GPC6: variants seen among roughly 807,000 people sequenced by gnomAD.
The protein encoded by GPC6 is glypican 6, also known as glypican-6.
In GPC6, 14 loss-of-function variants were observed where a neutral mutation model predicts 55.2. The observed-to-expected ratio is 0.25, with a 90% CI of 0.17 to 0.40. The LOEUF (loss-of-function observed/expected upper bound fraction) is 0.40, where lower values mean the gene tolerates loss of function less well. Ranked by LOEUF, GPC6 falls within the 10% of genes least tolerant of loss-of-function variation. The pLI, the probability that GPC6 is intolerant of heterozygous loss-of-function variation, is 1.00. For missense variants in GPC6, 641 were observed against 708.5 expected, an observed-to-expected ratio of 0.90 and a Z score of 1.08; for synonymous variants, 278 against 259.6, an observed-to-expected ratio of 1.07 and a Z score of -0.68.
intron 4 of GPC6, among the ~76,000 whole-genome samples, chr13:94,256,813 C>T (rs1891520354): frequency 6.6e-6 from 1 of 152,122 alleles, no homozygotes; most frequent in Non-Finnish European, 1.5e-5. Context: ...CCAAGCAACC[C>T]ATTATAGGTG....
chr13:94,144,531 T>C (rs1441445358), intron 4 of GPC6, among the ~76,000 whole-genome samples: 3 of 83,902 alleles, frequency 3.6e-5, no homozygotes, highest in Non-Finnish European at 6.9e-5. Flanking sequence ...AGATCATTCT[T>C]TGGGAGTGTG....
chr13:93,629,046 A>AAC, intron 2 of GPC6, among the ~76,000 whole-genome samples: 1 of 119,930 alleles, frequency 8.3e-6, no homozygotes, highest in South Asian at 2.7e-4. Flanking sequence ...GAAAAAAAAA[A>AAC]AACAAAAAAA....
intron 4 of GPC6, among the ~76,000 whole-genome samples, chr13:94,235,930 C>T (rs142032780): frequency 1.8e-4 from 27 of 152,216 alleles, no homozygotes; most frequent in South Asian, 1.0e-3. Context: ...ACACAGGTGA[C>T]GAAACTGAGA....
intron 2 of GPC6, among the ~76,000 whole-genome samples, chr13:93,585,133 G>A (rs1307464378): frequency 6.6e-6 from 1 of 152,166 alleles, no homozygotes; most frequent in East Asian, 1.9e-4. Flanking sequence ...TTTTCTTGTT[G>A]TGACAACCGA....
chr13:94,029,577 G>A (rs748772559), intron 4 of GPC6, among the ~76,000 whole-genome samples: 5 of 152,144 alleles, frequency 3.3e-5, no homozygotes, highest in Non-Finnish European at 7.3e-5. Flanking sequence ...ATTAAACCTC[G>A]TAGCATCATT....
chr13:93,315,044 T>C (rs781019869), intron 1 of GPC6, among the ~76,000 whole-genome samples: 3 of 152,218 alleles, frequency 2.0e-5, no homozygotes, highest in East Asian at 1.9e-4. Flanking sequence ...GTTTGAAAGA[T>C]GGTTAAAGAG....
At chr13:93,410,809 C>T (rs1402691997) in intron 1 of GPC6, among the ~76,000 whole-genome samples, 1 of 152,134 alleles carries the variant, frequency 6.6e-6, no homozygotes, top group African/African-American at 2.4e-5. Context: ...AAACTTCTTT[C>T]AATGACAAGT....
At chr13:93,912,606 G>A (rs182438376) in intron 3 of GPC6, among the ~76,000 whole-genome samples, 14 of 152,158 alleles carry the variant, frequency 9.2e-5, no homozygotes, top group East Asian at 5.8e-4. Context: ...AGCCTGGTGT[G>A]GTGGCGGGCG....
chr13:93,843,487 A>G (rs1024341778), intron 3 of GPC6, among the ~76,000 whole-genome samples: 18 of 152,216 alleles, frequency 1.2e-4, no homozygotes, highest in Non-Finnish European at 2.5e-4. Context: ...GTAGAAATCC[A>G]TGAACAATAC....
chr13:93,225,953 A>G (rs1376760865), upstream of GPC6, among the ~76,000 whole-genome samples: 3 of 152,202 alleles, frequency 2.0e-5, no homozygotes, highest in African/African-American at 7.2e-5. Context: ...CTGGGTTTCA[A>G]CACACACTTC....
At chr13:94,038,963 C>T (rs1001086403) in intron 4 of GPC6, among the ~76,000 whole-genome samples, 1 of 151,852 alleles carries the variant, frequency 6.6e-6, no homozygotes, top group African/African-American at 2.4e-5. Context: ...TCTTCTTATC[C>T]CTGTTTCTGG....
rs73540341 is a variant in GPC6 at position 93,259,827 on chromosome 13, G to A, written c.160+32211G>A. On this transcript the variant is annotated intron_variant, in intron 1 of 8. Transcript: ENST00000377047. ...ATAATATAGTCAATTTCAATATCTT[G>A]TGTGGTAGCATCATTAGAATGGTAT... Among the ~76,000 whole-genome samples, 1,072 of 152,054 alleles carry A rather than the reference G, an allele frequency of 7.1e-3. 16 individuals are homozygous for A. Among genetic ancestry groups the A allele is most frequent in the African/African-American group, 0.024 (998 of 41,494 alleles).
At chr13:93,654,166 C>A (rs1880550524) in intron 2 of GPC6, among the ~76,000 whole-genome samples, 1 of 152,112 alleles carries the variant, frequency 6.6e-6, no homozygotes, top group Admixed American at 6.5e-5. Flanking sequence ...CACTGATGCA[C>A]CATCATTTTT....
intron 7 of GPC6, among the ~76,000 whole-genome samples, chr13:94,385,828 T>C (rs908806385): frequency 6.7e-6 from 1 of 149,748 alleles, no homozygotes; most frequent in South Asian, 2.2e-4. Flanking sequence ...TAAGAATCCA[T>C]TTATAATGCA....
chr13:93,712,137 G>T (rs1340577056), intron 2 of GPC6, among the ~76,000 whole-genome samples: 1 of 151,680 alleles, frequency 6.6e-6, no homozygotes, highest in East Asian at 2.0e-4. Flanking sequence ...AATATTTAAG[G>T]AGTAGTCCGC....
At chr13:94,236,616 G>T (rs1428556562) in intron 4 of GPC6, among the ~76,000 whole-genome samples, 1 of 152,128 alleles carries the variant, frequency 6.6e-6, no homozygotes, top group Non-Finnish European at 1.5e-5. Flanking sequence ...GAGGCGATCA[G>T]GGAAAACTTT....
At chr13:94,142,087 A>C (rs2138881772) in intron 4 of GPC6, among the ~76,000 whole-genome samples, 1 of 152,228 alleles carries the variant, frequency 6.6e-6, no homozygotes, top group East Asian at 1.9e-4. Flanking sequence ...AGTGTTCTAG[A>C]ACATGTTGCT....
intron 4 of GPC6, among the ~76,000 whole-genome samples, chr13:94,149,790 A>C (rs1462990314): frequency 1.3e-5 from 2 of 151,978 alleles, no homozygotes; most frequent in Non-Finnish European, 2.9e-5. Flanking sequence ...CTGCAGAAGC[A>C]GTCACCCCCT....
At chr13:94,038,837 A>G (rs985077949) in intron 4 of GPC6, among the ~76,000 whole-genome samples, 1 of 151,950 alleles carries the variant, frequency 6.6e-6, no homozygotes, top group Non-Finnish European at 1.5e-5. Context: ...CACCAGAAAC[A>G]TGTAAGCCAA....
Sources: allele counts gnomAD v4.1 joint callset (sites outside exome capture counted in the v4.1 genomes callset), GRCh38; gene constraint gnomAD v4.1.1; transcripts MANE v1.5; gene names NCBI Gene and HGNC (gene_info 2026-07-23, HGNC 2026-07-21).